The following DCTN2 variants were observed in gnomAD, a reference collection of about 807,000 sequenced individuals.
DCTN2 encodes the protein dynactin subunit 2, also known as 50 kDa dynein-associated polypeptide.
In DCTN2, 18 loss-of-function variants were observed where a neutral mutation model predicts 55.4. The ratio of observed to expected loss-of-function variants is 0.32; its 90% CI spans 0.22 to 0.48. The LOEUF is 0.48. DCTN2 is among the 20% of genes least tolerant of loss of function. The pLI is 0.99. For missense variants in DCTN2, 390 were observed against 491.0 expected, an observed-to-expected ratio of 0.79 and a Z score of 1.94; for synonymous variants, 168 against 185.2, an observed-to-expected ratio of 0.91 and a Z score of 0.76.
intron 2 of DCTN2, chr12:57,542,834 A>T (rs2140136590): frequency 2.2e-6 from 1 of 455,732 alleles, no homozygotes; most frequent in South Asian, 1.5e-5. Context: ...CCAAAAAGAA[A>T]TCTGGAGACC....
chr12:57,534,091 T>C lies in DCTN2; in HGVS notation c.531A>G (p.Leu177=), dbSNP rs1435524905. ...TDPDGALAKR[L]LLQLEATKNS... is the part of the protein sequence containing the mutation. ...TCTTTGTTGCTTCCAGCTGCAGTAG[T>C]AGGCGCCTAGTTAGGAGACCGAGTA... The change falls in exon 7 of 14, where the codon CTA becomes CTG. Residue 177 remains leucine (L), a synonymous_variant. Transcript: ENST00000548249. The C allele has an allele frequency of 8.8e-6, 14 of 1,598,184 alleles. No homozygotes were observed. The highest frequency in any genetic ancestry group is 1.2e-5 in the Non-Finnish European group (14 of 1,172,400).
chr12:57,530,912 C>T (rs1254775072), intron 13 of DCTN2, 137 bp from the exon 14 acceptor site: 2 of 743,298 alleles, frequency 2.7e-6, no homozygotes, highest in East Asian at 2.5e-5. Flanking sequence ...ATGTTTATAG[C>T]ACCAATTTTC....
chr12:57,530,555 CAAG>C lies in DCTN2; in HGVS notation c.*131_*133del, dbSNP rs1879574087. On this transcript the variant is annotated 3_prime_UTR_variant, in exon 14 of 14. Transcript: ENST00000548249. ...AGGGGAGGGGTATAAACCCCACATG[CAAG>C]AAGAACCCTTGCCCCCAGTGTCAAA... The C allele has an allele frequency of 2.7e-5, 21 of 766,908 alleles. No individual in the cohort carries two copies. In the East Asian group the frequency reaches 5.2e-4, roughly 19 times the overall value. The allele number at this position is 766,908 out of a possible 1,614,324, so 47.5% of individuals were successfully genotyped here.
chr12:57,531,539 T>C (rs1213979840), intron 13 of DCTN2, among the ~76,000 whole-genome samples: 2 of 151,858 alleles, frequency 1.3e-5, no homozygotes, highest in African/African-American at 4.8e-5. Flanking sequence ...CAATAAGAAA[T>C]TGTGGACTTG....
At chr12:57,535,933 G>A (rs1880196534) in intron 2 of DCTN2, 88 bp from the exon 3 acceptor site, 2 of 1,021,082 alleles carry the variant, frequency 2.0e-6, no homozygotes, top group Admixed American at 2.0e-5. Flanking sequence ...ACCATTAGGT[G>A]ACTGGGCCCT....
In DCTN2 at chr12:57,532,261, G is replaced by A. The variant is rs1341364120; in HGVS notation, c.979C>T (p.Pro327Ser). 4 of 1,562,716 alleles carry A rather than the reference G, an allele frequency of 2.6e-6. No homozygotes were observed. Among genetic ancestry groups the A allele is most frequent in the Non-Finnish European group, 2.6e-6 (3 of 1,153,052 alleles). Residue 327 changes from proline to serine, a missense_variant, in exon 12 of 14, where the codon CCT (proline) becomes TCT (serine). Around this residue, in one of 2 missense-constraint regions of DCTN2, gnomAD observed 273 missense variants for 303.2 expected, o/e 0.90. Transcript: ENST00000548249. ...GTGACAAGTCTCTGCACCAGCTCAG[G>A]GAGGGTGGAGGCAATGGGGCTCCAG... Reference protein sequence around the residue: ...QRWSPIASTLPELVQRLVTIK... With the variant: ...QRWSPIASTLSELVQRLVTIK...
chr12:57,547,101 T>A lies in DCTN2; in HGVS notation c.-38A>T. ...ACGGGCTGGGGGACCCGGGCCTCGG[T>A]GGAGCCGGGGCCGGTGTTCGGGTAG... On this transcript the variant is annotated 5_prime_UTR_variant, in exon 1 of 14. Transcript: ENST00000548249. 8.0e-7 allele frequency: 1 copy of A among 1,253,116 alleles called. No individual in the cohort carries two copies. Among genetic ancestry groups the A allele is most frequent in the East Asian group, 3.1e-5 (1 of 32,140 alleles). The allele number at this position is 1,253,116 out of a possible 1,614,324, so 77.6% of individuals were successfully genotyped here.
chr12:57,542,910 T>A (rs1323435557), intron 2 of DCTN2: 1 of 456,086 alleles, frequency 2.2e-6, no homozygotes, highest in Non-Finnish European at 4.4e-6. Context: ...TGAGTGGTGG[T>A]AGGCAGAGGT....
intron 2 of DCTN2, chr12:57,542,843 C>A (rs1214993491): frequency 1.5e-5 from 7 of 455,476 alleles, no homozygotes; most frequent in Non-Finnish European, 3.1e-5. Context: ...AATCTGGAGA[C>A]CCCCTGAAAG....
At chr12:57,534,966 A>C in intron 5 of DCTN2, 90 bp downstream of exon 5, 1 of 1,164,252 alleles carries the variant, frequency 8.6e-7, no homozygotes, top group South Asian at 1.3e-5. Flanking sequence ...CACCGCACCC[A>C]GCCAGGCAGG....
At chr12:57,530,897 G>T (rs1253436275) in intron 13 of DCTN2, 122 bp from the exon 14 acceptor site, 6 of 863,846 alleles carry the variant, frequency 6.9e-6, no homozygotes, top group South Asian at 6.0e-5. Context: ...GGCCACAGAG[G>T]GGGGATGTTT....
intron 2 of DCTN2, 80 bp from the exon 3 acceptor site, chr12:57,535,925 C>T (rs1880196247): frequency 3.6e-6 from 4 of 1,102,900 alleles, no homozygotes; most frequent in African/African-American, 1.6e-5. Flanking sequence ...ATCCCCAAAC[C>T]ATTAGGTGAC....
intron 4 of DCTN2, 110 bp from the exon 5 acceptor site, chr12:57,535,264 C>T: frequency 9.8e-7 from 1 of 1,015,240 alleles, no homozygotes; most frequent in Non-Finnish European, 1.5e-6. Context: ...AATTGAGAAT[C>T]CACAACACCC....
chr12:57,532,876 T>G, intron 9 of DCTN2, 66 bp from the exon 10 acceptor site: 2 of 1,600,940 alleles, frequency 1.2e-6, no homozygotes, highest in Non-Finnish European at 1.7e-6. Flanking sequence ...GCCTCCCATA[T>G]TCCACTAAAT....
intron 2 of DCTN2, among the ~76,000 whole-genome samples, chr12:57,544,811 T>A (rs1237156939): frequency 1.3e-5 from 2 of 152,140 alleles, no homozygotes; most frequent in Non-Finnish European, 2.9e-5. Flanking sequence ...AGAGGCAGCT[T>A]CCTATAAGAT....
intron 5 of DCTN2, 79 bp downstream of exon 5, chr12:57,534,977 G>T: frequency 7.9e-7 from 1 of 1,267,460 alleles, no homozygotes; most frequent in Non-Finnish European, 1.1e-6. Context: ...GCCAGGCAGG[G>T]AATCTTTCTC....
chr12:57,531,442 G>A (rs1233474926), intron 13 of DCTN2, among the ~76,000 whole-genome samples: 3 of 152,142 alleles, frequency 2.0e-5, no homozygotes, highest in South Asian at 2.1e-4. Context: ...GCTTGAGCCC[G>A]GGAGGTGGAG....
chr12:57,543,717 G>C, intron 2 of DCTN2: 3 of 981,666 alleles, frequency 3.1e-6, no homozygotes, highest in Non-Finnish European at 3.6e-6. Flanking sequence ...TTCCTCCCTA[G>C]TGACAGAGAG....
rs1245644321 is a variant in DCTN2 at position 57,534,266 on chromosome 12, A to C, written c.524+26T>G. On this transcript the variant is annotated intron_variant, in intron 6 of 13. Coordinates refer to ENST00000548249, the MANE Select transcript of DCTN2 (RefSeq NM_001261413.2). ...CCATCCACAACCCCAGTCAGCAATG[A>C]TTTTTCAACAAAGTAGGGTACCCAC... The C allele has an allele frequency of 3.2e-6, 5 of 1,558,564 alleles. No homozygotes were observed. In the South Asian group the frequency reaches 6.0e-5, roughly 19 times the overall value.
Sources: gnomAD v4.1 joint callset for allele counts (sites outside exome capture counted in the v4.1 genomes callset) on GRCh38, gnomAD v4.1.1 for gene constraint, gnomAD v4.1.1 regional missense constraint, MANE v1.5 for transcripts, NCBI Gene and HGNC (gene_info 2026-07-23, HGNC 2026-07-21) for gene names.